ARHGAP28: variants seen among roughly 807,000 people sequenced by gnomAD.
The protein encoded by ARHGAP28 is rho GTPase-activating protein 28.
A neutral mutation model predicts 90.7 loss-of-function variants in ARHGAP28; 56 were observed. The ratio of observed to expected loss-of-function variants is 0.62; its 90% CI spans 0.50 to 0.77. The LOEUF (loss-of-function observed/expected upper bound fraction) is 0.77. Ranked by LOEUF, ARHGAP28 falls within the 30% of genes least tolerant of loss-of-function variation. The probability of loss-of-function intolerance (pLI) is 0.00; values close to 1 mark genes in which losing one functional copy is unlikely to be tolerated. For missense variants in ARHGAP28, 869 were observed against 900.9 expected (o/e 0.96, Z 0.45); for synonymous variants, 308 against 323.3 (o/e 0.95, Z 0.51).
rs531278319 is a variant in ARHGAP28 at position 6,812,633 on chromosome 18, TC to T, written c.123-12128del. Among the ~76,000 whole-genome samples, 693 of 152,206 alleles carry T rather than the reference TC, an allele frequency of 4.6e-3. 5 individuals are homozygous for T. Among genetic ancestry groups the T allele is most frequent in the African/African-American group, 0.013 (557 of 41,466 alleles). ...CTATTGATCAGAGACATATAGCTTT[TC>T]GTCTGCTGTCAGGGATTAGATGCTG... is the stretch of plus-strand genomic sequence containing the variant. On this transcript the variant is annotated intron_variant, in intron 1 of 17. Transcript: ENST00000383472.
In ARHGAP28 at chr18:6,896,114, ACT is replaced by A. The variant is rs373060831; in HGVS notation, c.1906-385_1906-384del. Among the ~76,000 whole-genome samples, 435 of 152,286 alleles carry A rather than the reference ACT, an allele frequency of 2.9e-3. 4 individuals are homozygous for A. Among genetic ancestry groups the A allele is most frequent in the African/African-American group, 9.6e-3 (397 of 41,564 alleles). ...TTGGAGAAGCCATATTTTCTAACTG[ACT>A]CTTAAAATTTTCAAAAGGTTGGTCT... On this transcript the variant is annotated intron_variant, in intron 15 of 17. Coordinates refer to ENST00000383472, the MANE Select transcript of ARHGAP28 (RefSeq NM_001366230.1).
At chr18:6,829,225 C>T (rs975044364) in intron 2 of ARHGAP28, among the ~76,000 whole-genome samples, 1 of 152,188 alleles carries the variant, frequency 6.6e-6, no homozygotes, top group Non-Finnish European at 1.5e-5. Flanking sequence ...CCCTTACCCC[C>T]TTTTTCTTAC....
At chr18:6,730,655 C>T (rs1231463058) in intron 1 of ARHGAP28, among the ~76,000 whole-genome samples, 6 of 152,114 alleles carry the variant, frequency 3.9e-5, no homozygotes, top group African/African-American at 1.2e-4. Flanking sequence ...CCATTTGATG[C>T]AAGATCAAGG....
intron 5 of ARHGAP28, 63 bp downstream of exon 5, chr18:6,859,960 G>A (rs2056985145): frequency 8.6e-6 from 12 of 1,390,878 alleles, no homozygotes; most frequent in Non-Finnish European, 1.2e-5. Context: ...AGCAACTAAT[G>A]TAGGAAGGTA....
chr18:6,875,376 C>G (rs942228687), intron 9 of ARHGAP28, among the ~76,000 whole-genome samples: 1 of 152,158 alleles, frequency 6.6e-6, no homozygotes, highest in African/African-American at 2.4e-5. Context: ...ACCTTAGTTC[C>G]AGGTACCATC....
At chr18:6,861,234 C>G (rs1039539799) in intron 5 of ARHGAP28, among the ~76,000 whole-genome samples, 2 of 152,112 alleles carry the variant, frequency 1.3e-5, no homozygotes, top group African/African-American at 4.8e-5. Flanking sequence ...AACTCTGCCT[C>G]CCTCCTCCCC....
intron 16 of ARHGAP28, among the ~76,000 whole-genome samples, chr18:6,906,140 G>A (rs2057363521): frequency 6.6e-6 from 1 of 152,056 alleles, no homozygotes; most frequent in Non-Finnish European, 1.5e-5. Flanking sequence ...TATTAAGGCT[G>A]ATTATATAAA....
intron 3 of ARHGAP28, among the ~76,000 whole-genome samples, chr18:6,840,980 T>A (rs2056803497): frequency 6.6e-6 from 1 of 152,128 alleles, no homozygotes; most frequent in Non-Finnish European, 1.5e-5. Context: ...TCCTAAAAAA[T>A]TCGGCATCTG....
chr18:6,763,833 G>A (rs929230323), intron 1 of ARHGAP28, among the ~76,000 whole-genome samples: 1 of 152,130 alleles, frequency 6.6e-6, no homozygotes, highest in African/African-American at 2.4e-5. Context: ...CAGCGGAGAG[G>A]GCTTAAGTGA....
In ARHGAP28 at chr18:6,837,420, T is replaced by C. The variant is rs754644921; in HGVS notation, c.543+6T>C. 6.2e-7 allele frequency: 1 copy of C among 1,600,066 alleles called. No individual in the cohort carries two copies. The highest frequency in any genetic ancestry group is 2.3e-5 in the East Asian group (1 of 44,370). ...TTGGAGTCAGTGAATCTCCTGTAAG[T>C]AATGGCTCAAACATGGCTCAAAAGG... On this transcript the variant is annotated splice_donor_region_variant and intron_variant, in intron 3 of 17. Transcript: ENST00000383472.
At chr18:6,739,373 G>A (rs553073895) in intron 1 of ARHGAP28, among the ~76,000 whole-genome samples, 105 of 151,472 alleles carry the variant, frequency 6.9e-4, no homozygotes, top group Middle Eastern at 3.5e-3. Context: ...CATAGAAGTG[G>A]GTATGAATGG....
At position 6,841,186 on chromosome 18, in the gene ARHGAP28, T is replaced by TCCTCTCTC. The variant is rs1195564662; in HGVS notation, c.543+3773_543+3774insCTCTCTCC. 6.9e-5 allele frequency among the ~76,000 whole-genome samples: 4 copies of TCCTCTCTC among 57,800 alleles called. No homozygotes were observed. The East Asian group carries it at 1.4e-3, about 21-fold the overall frequency. The allele number at this position is 57,800 out of a possible 152,430, so 37.9% of individuals were successfully genotyped here. The stretch of plus-strand genomic sequence containing the variant: ...CTCTCTCCTCTCTCTCTCTCCTCTC[T>TCCTCTCTC]CTCTCTCTCTCTCTCTCCTCTCCTC... On this transcript the variant is annotated intron_variant, in intron 3 of 17. Coordinates refer to ENST00000383472, the MANE Select transcript of ARHGAP28 (RefSeq NM_001366230.1).
rs2057415122 is a variant in ARHGAP28 at position 6,914,838 on chromosome 18, TC to T, written c.*2686del. 1 of 152,612 alleles carries T rather than the reference TC, an allele frequency of 6.6e-6. No homozygotes were observed. The highest frequency in any genetic ancestry group is 2.4e-5 in the African/African-American group (1 of 41,466). 9.5% of individuals were successfully genotyped at this position (152,612 alleles called of 1,614,324 possible). On this transcript the variant is annotated 3_prime_UTR_variant, in exon 18 of 18. Coordinates refer to ENST00000383472, the MANE Select transcript of ARHGAP28 (RefSeq NM_001366230.1). ...AGAGTTGATTCATTGTTTTCCTCCATCCTGCAAAAGAAGATCCCTTTGTTAA... is the reference window on the plus strand; with the variant it reads ...AGAGTTGATTCATTGTTTTCCTCCATCTGCAAAAGAAGATCCCTTTGTTAA...
chr18:6,799,188 C>A (rs1308442516), intron 1 of ARHGAP28, among the ~76,000 whole-genome samples: 2 of 152,070 alleles, frequency 1.3e-5, no homozygotes, highest in African/African-American at 4.8e-5. Context: ...CTTTTTAAAT[C>A]TTTAGCGCAT....
intron 6 of ARHGAP28, 144 bp downstream of exon 6, chr18:6,868,378 TC>T (rs2057055030): frequency 4.5e-6 from 3 of 668,206 alleles, no homozygotes; most frequent in African/African-American, 3.6e-5. Flanking sequence ...CATCGCTCAC[TC>T]CTTCCACCCA....
At chr18:6,875,598 T>G (rs1029323263) in intron 9 of ARHGAP28, among the ~76,000 whole-genome samples, 1 of 152,192 alleles carries the variant, frequency 6.6e-6, no homozygotes, top group Non-Finnish European at 1.5e-5. Flanking sequence ...AATAGGAACT[T>G]ACACATAATC....
intron 1 of ARHGAP28, among the ~76,000 whole-genome samples, chr18:6,760,970 G>A (rs1360003971): frequency 2.0e-5 from 3 of 152,240 alleles, no homozygotes; most frequent in East Asian, 1.9e-4. Context: ...AGATGAGATC[G>A]TGGTATTATA....
Position 6,729,875 on chromosome 18 carries a change from G to A in ARHGAP28, c.54G>A (p.Ala18=). ...GVVLTAYHSY[A]RAQPPNAESR... ...TGCTGACCGCCTACCACTCGTACGC[G>A]CGCGCCCAGCCCCCCAACGCCGAGT... Residue 18 remains alanine (A), a synonymous_variant, in exon 1 of 18, where the codon GCG becomes GCA. Transcript: ENST00000383472. 7.0e-7 allele frequency: 1 copy of A among 1,434,550 alleles called. No homozygotes were observed. Among genetic ancestry groups the A allele is most frequent in the Non-Finnish European group, 9.1e-7 (1 of 1,096,826 alleles). 88.9% of individuals were successfully genotyped at this position (1,434,550 alleles called of 1,614,324 possible). A position where few individuals can be genotyped will look rare whatever the true frequency, so the allele number is the denominator to read the frequency against.
At chr18:6,819,395 T>C (rs2056612168) in intron 1 of ARHGAP28, among the ~76,000 whole-genome samples, 2 of 152,144 alleles carry the variant, frequency 1.3e-5, no homozygotes, top group Non-Finnish European at 2.9e-5. Flanking sequence ...CAAAGAAGTC[T>C]GAAGGAGCCA....
Sources: gnomAD v4.1 joint callset for allele counts (sites outside exome capture counted in the v4.1 genomes callset) on GRCh38, gnomAD v4.1.1 for gene constraint, MANE v1.5 for transcripts, NCBI Gene and HGNC (gene_info 2026-07-23, HGNC 2026-07-21) for gene names.